KIAA0753: variants seen among roughly 807,000 people sequenced by gnomAD.
The protein encoded by KIAA0753 is KIAA0753, also known as protein moonraker.
KIAA0753 carries 114 observed loss-of-function variants against 116.9 expected under a neutral mutation model. The observed-to-expected ratio is 0.98, with a 90% CI of 0.84 to 1.14. KIAA0753 has a LOEUF of 1.14. Among genes scored for constraint, KIAA0753 ranks in the 50% most tolerant of loss-of-function variants. The pLI is 0.00. For synonymous variants in KIAA0753, 405 were observed against 413.1 expected (o/e 0.98, Z 0.24); for missense variants, 1,156 against 1,172.4 (o/e 0.99, Z 0.20).
chr17:6,599,292 A>G lies in KIAA0753; in HGVS notation c.2117T>C (p.Ile706Thr), dbSNP rs762945095. 5 of 1,613,502 alleles carry G rather than the reference A, an allele frequency of 3.1e-6. No individual in the cohort carries two copies. Among genetic ancestry groups the G allele is most frequent in the Non-Finnish European group, 3.4e-6 (4 of 1,179,586 alleles). Residue 706 changes from isoleucine to threonine, a missense_variant, in exon 14 of 19, where the codon ATT becomes ACT. Transcript: ENST00000361413. Reference protein sequence around the residue: ...QRVNSTTEANIHLKDGSSVNT... With the variant: ...QRVNSTTEANTHLKDGSSVNT... ...TACTGACGAGCCATCTTTCAAATGA[A>G]TATTTGCTTCTGTAGTAGAATTGAC...
intron 18 of KIAA0753, among the ~76,000 whole-genome samples, chr17:6,582,738 C>T (rs964245026): frequency 3.3e-5 from 5 of 152,174 alleles, no homozygotes; most frequent in African/African-American, 7.2e-5. Context: ...TTGACTTGGA[C>T]ATTACACACA....
At chr17:6,613,009 T>C (rs992019629) in intron 7 of KIAA0753, among the ~76,000 whole-genome samples, 4 of 152,070 alleles carry the variant, frequency 2.6e-5, no homozygotes, top group South Asian at 2.1e-4. Context: ...GGAAAGGAAA[T>C]AAAGCTGTCT....
At position 6,624,800 on chromosome 17, in the gene KIAA0753, C is replaced by A; in HGVS notation, c.780G>T (p.Glu260Asp). 1 of 1,563,958 alleles carries A rather than the reference C, an allele frequency of 6.4e-7. No homozygotes were observed. The highest frequency in any genetic ancestry group is 1.9e-5 in the Admixed American group (1 of 52,764). ...EERRIRIRRQ[E>D]QAARSARMLY... ...GCATTCGGGCAGAGCGAGCAGCTTG[C>A]TCCTGTCTCCTGATACGGATTCGAC... Residue 260 changes from glutamate (E) to aspartate (D), a missense_variant, in exon 4 of 19, where the codon GAG (glutamate) becomes GAT (aspartate). Physicochemically the swap from Glu to Asp is conservative, Grantham distance 45. Transcript: ENST00000361413.
At position 6,627,983 on chromosome 17, in the gene KIAA0753, C is replaced by T. The variant is rs1292514202; in HGVS notation, c.718+134G>A. 1.7e-5 allele frequency: 14 copies of T among 809,852 alleles called. No individual in the cohort carries two copies. The Admixed American group carries it at 3.4e-4, about 20-fold the overall frequency. 50.2% of individuals were successfully genotyped at this position (809,852 alleles called of 1,614,324 possible). On this transcript the variant is annotated intron_variant, in intron 3 of 18. Coordinates refer to ENST00000361413, the MANE Select transcript of KIAA0753 (RefSeq NM_014804.3). ...AAGCCTAACTGTCTTGTCCTGAGTA[C>T]TCACACTCCAGTGAACCAACTCACA... is the stretch of plus-strand genomic sequence containing the variant.
intron 17 of KIAA0753, among the ~76,000 whole-genome samples, chr17:6,590,289 A>G (rs1968899248): frequency 6.6e-6 from 1 of 152,236 alleles, no homozygotes; most frequent in South Asian, 2.1e-4. Flanking sequence ...CACATTAAAA[A>G]AACAGCTAAA....
intron 10 of KIAA0753, 35 bp from the exon 11 acceptor site, chr17:6,607,305 C>T (rs950402072): frequency 5.8e-6 from 9 of 1,540,210 alleles, no homozygotes; most frequent in African/African-American, 1.4e-5. Context: ...ACCAATTCTG[C>T]CTCGACACTG....
At chr17:6,601,371 G>C (rs1288013860) in intron 12 of KIAA0753, among the ~76,000 whole-genome samples, 1 of 152,170 alleles carries the variant, frequency 6.6e-6, no homozygotes, top group Non-Finnish European at 1.5e-5. Flanking sequence ...ACTGAAAAGA[G>C]GCAGCGGTCA....
intron 7 of KIAA0753, among the ~76,000 whole-genome samples, chr17:6,617,701 A>T (rs934071622): frequency 6.6e-6 from 1 of 152,204 alleles, no homozygotes; most frequent in Non-Finnish European, 1.5e-5. Context: ...CCATGCCATG[A>T]TTAGAAGCTT....
At chr17:6,597,164 T>C (rs1402244890) in intron 14 of KIAA0753, among the ~76,000 whole-genome samples, 3 of 152,312 alleles carry the variant, frequency 2.0e-5, no homozygotes, top group Middle Eastern at 3.4e-3. Context: ...ACACTTAGCA[T>C]AGTGCTCGGC....
rs200629798 is a variant in KIAA0753 at position 6,628,564 on chromosome 17, C to T, written c.271G>A (p.Val91Ile). 1.8e-5 allele frequency: 29 copies of T among 1,613,998 alleles called. No individual in the cohort carries two copies. Among genetic ancestry groups the T allele is most frequent in the African/African-American group, 2.7e-5 (2 of 74,902 alleles). ...TAGCTAAGTCTCTCTTGGGATATGA[C>T]GGAAAATGAAACAGAACTGCCCAGG... is the stretch of plus-strand genomic sequence containing the variant. The part of the protein sequence containing the change: ...PDLGSSVSFS[V>I]ISQERLSYAV... The change falls in exon 3 of 19, where the codon GTC becomes ATC. Residue 91 changes from valine to isoleucine, a missense_variant. Transcript: ENST00000361413.
chr17:6,618,122 A>T (rs1971058664), intron 7 of KIAA0753, among the ~76,000 whole-genome samples: 1 of 152,036 alleles, frequency 6.6e-6, no homozygotes. Context: ...AAAAAAGAAA[A>T]AAAAAATCCC....
chr17:6,635,153 G>A lies in KIAA0753; in HGVS notation c.-50C>T. The A allele has an allele frequency of 7.4e-7, 1 of 1,358,586 alleles. No homozygotes were observed. Among genetic ancestry groups the A allele is most frequent in the Non-Finnish European group, 1.1e-6 (1 of 947,694 alleles). 84.2% of individuals were successfully genotyped at this position (1,358,586 alleles called of 1,614,324 possible). A position where few individuals can be genotyped will look rare whatever the true frequency, so the allele number is the denominator to read the frequency against. On this transcript the variant is annotated 5_prime_UTR_variant, in exon 2 of 19. Coordinates refer to ENST00000361413, the MANE Select transcript of KIAA0753 (RefSeq NM_014804.3). The stretch of plus-strand genomic sequence containing the variant: ...GTGACAGCCTTGTCATCCGGCAACA[G>A]TCTTCCCTAAAACCATTCCTAAAAC...
In KIAA0753 at chr17:6,578,617, C is replaced by T. The variant is rs890358158; in HGVS notation, c.*1130G>A. The stretch of plus-strand genomic sequence containing the variant: ...CAGAGAAAAATCCCAGATGACGGCA[C>T]TGGACAGGTTATAAAGAGTTCCCTT... On this transcript the variant is annotated 3_prime_UTR_variant, in exon 19 of 19. Transcript: ENST00000361413. 6.6e-6 allele frequency: 1 copy of T among 152,204 alleles called. No individual in the cohort carries two copies. Among genetic ancestry groups the T allele is most frequent in the Non-Finnish European group, 1.5e-5 (1 of 68,036 alleles). The allele number at this position is 152,204 out of a possible 1,614,324, so 9.4% of individuals were successfully genotyped here.
At position 6,599,335 on chromosome 17, in the gene KIAA0753, A is replaced by G. The variant is rs752331859; in HGVS notation, c.2089-15T>C. 6.5e-7 allele frequency: 1 copy of G among 1,527,092 alleles called. No individual in the cohort carries two copies. Among genetic ancestry groups the G allele is most frequent in the Non-Finnish European group, 9.1e-7 (1 of 1,101,538 alleles). The allele number at this position is 1,527,092 out of a possible 1,614,324, so 94.6% of individuals were successfully genotyped here. ...GAATTGACTCTCTATTAAAACAGAC[A>G]AATACATTCATGGAGTATAAAGACT... On this transcript the variant is annotated splice_polypyrimidine_tract_variant and intron_variant, in intron 13 of 18. Transcript: ENST00000361413.
intron 4 of KIAA0753, chr17:6,623,789 C>T (rs574105772): frequency 6.4e-6 from 3 of 469,744 alleles, no homozygotes; most frequent in South Asian, 3.1e-5. Flanking sequence ...TCCATCCCTT[C>T]GTCCCCAGTG....
intron 2 of KIAA0753, among the ~76,000 whole-genome samples, chr17:6,629,891 T>C (rs1042441165): frequency 2.0e-5 from 3 of 152,168 alleles, no homozygotes; most frequent in Non-Finnish European, 4.4e-5. Context: ...TGATGAACGG[T>C]GTTTGTCATT....
Position 6,610,021 on chromosome 17 carries a change from G to A in KIAA0753, c.1685C>T (p.Pro562Leu), listed in dbSNP as rs368968088. ...DRKAPWIPPN[P>L]TSPPASPKCA... ...TTTAGGAGACGCTGGTGGGGATGTG[G>A]GGTTTGGGGGTATCCATGGTGCCTT... Residue 562 changes from proline (P) to leucine (L), a missense_variant, in exon 9 of 19, where the codon CCC becomes CTC. Pro to Leu is a moderately conservative substitution (Grantham distance 98). Coordinates refer to ENST00000361413, the MANE Select transcript of KIAA0753 (RefSeq NM_014804.3). 1.9e-6 allele frequency: 3 copies of A among 1,613,966 alleles called. No individual in the cohort carries two copies. Among genetic ancestry groups the A allele is most frequent in the Non-Finnish European group, 2.5e-6 (3 of 1,179,988 alleles).
chr17:6,621,449 G>A (rs1470257493), intron 6 of KIAA0753, among the ~76,000 whole-genome samples: 1 of 152,156 alleles, frequency 6.6e-6, no homozygotes, highest in Non-Finnish European at 1.5e-5. Context: ...TGGAGGGTCT[G>A]TGTCTCACCT....
chr17:6,582,096 T>A (rs1200558495), intron 18 of KIAA0753, among the ~76,000 whole-genome samples: 2 of 152,178 alleles, frequency 1.3e-5, no homozygotes, highest in Non-Finnish European at 2.9e-5. Context: ...AAAAACCATA[T>A]ATTCATCCCA....
Sources: gnomAD v4.1 joint callset for allele counts (sites outside exome capture counted in the v4.1 genomes callset) on GRCh38, gnomAD v4.1.1 for gene constraint, MANE v1.5 for transcripts, NCBI Gene and HGNC (gene_info 2026-07-23, HGNC 2026-07-21) for gene names.